Variants in NPR3 observed in about 807,000 individuals in gnomAD.
The protein encoded by NPR3 is natriuretic peptide receptor 3.
NPR3 carries 34 observed loss-of-function variants against 54.5 expected under a neutral mutation model. The observed-to-expected ratio is 0.62, with a 90% confidence interval of 0.47 to 0.83. The LOEUF is 0.83. Among genes scored for constraint, NPR3 ranks in the 40% least tolerant of loss-of-function variants. The pLI is 0.00. For missense variants in NPR3, 674 were observed against 720.8 expected (o/e 0.94, Z 0.74); for synonymous variants, 289 against 297.1 (o/e 0.97, Z 0.28).
At chr5:32,767,808 C>G (rs1561123206) in intron 3 of NPR3, among the ~76,000 whole-genome samples, 1 of 152,030 alleles carries the variant, frequency 6.6e-6, no homozygotes, top group Non-Finnish European at 1.5e-5. Context: ...TTTGTAAACA[C>G]ATCTCTAGGT....
At chr5:32,718,250 G>A (rs1158265334) in intron 1 of NPR3, among the ~76,000 whole-genome samples, 2 of 152,186 alleles carry the variant, frequency 1.3e-5, no homozygotes, top group African/African-American at 4.8e-5. Flanking sequence ...TAGCCTTGTA[G>A]TATAGTTTGA....
chr5:32,755,051 G>A (rs1049479858), intron 3 of NPR3, among the ~76,000 whole-genome samples: 1 of 152,132 alleles, frequency 6.6e-6, no homozygotes, highest in African/African-American at 2.4e-5. Context: ...TAGTAGAGAT[G>A]GGGTTTCACC....
chr5:32,764,788 CAAAAAAAAA>C (rs568944478), intron 3 of NPR3, among the ~76,000 whole-genome samples: 1,010 of 36,464 alleles, frequency 0.028, 21 homozygotes, highest in African/African-American at 0.094. Flanking sequence ...GGGTCCATCT[CAAAAAAAAA>C]AAAAAAAAAA....
rs138058641 is a variant in NPR3 at position 32,783,761 on chromosome 5, T to C, written c.1426+733T>C. ...GGGGAGACTGGGCCTGTATTTGACA[T>C]CCCACTGTTGTTACTTGCTGGTTTT... On this transcript the variant is annotated intron_variant, in intron 6 of 7. Coordinates refer to ENST00000265074, the MANE Select transcript of NPR3 (RefSeq NM_001204375.2). Among the ~76,000 whole-genome samples the C allele has an allele frequency of 2.9e-3, 449 of 152,336 alleles. 2 individuals are homozygous for C. Among genetic ancestry groups the C allele is most frequent in the Middle Eastern group, 0.024 (7 of 294 alleles).
Position 32,711,928 on chromosome 5 carries a change from A to G in NPR3, c.152A>G (p.Gln51Arg), listed in dbSNP as rs1738265120. Reference sequence around the variant, plus strand: ...CAGGAGAGAGAGGCGCTGCCGCCACAGAAGATCGAGGTGCTGGTGTTACTG... The same window carrying G: ...CAGGAGAGAGAGGCGCTGCCGCCACGGAAGATCGAGGTGCTGGTGTTACTG... ...GRQEREALPP[Q>R]KIEVLVLLPQ... Residue 51 changes from glutamine (Q) to arginine (R), a missense_variant, in exon 1 of 8, where the codon CAG becomes CGG. Coordinates refer to ENST00000265074, the MANE Select transcript of NPR3 (RefSeq NM_001204375.2). 1 of 1,511,628 alleles carries G rather than the reference A, an allele frequency of 6.6e-7. No homozygotes were observed. The highest frequency in any genetic ancestry group is 1.4e-5 in the African/African-American group (1 of 71,454). The allele number at this position is 1,511,628 out of a possible 1,614,324, so 93.6% of individuals were successfully genotyped here.
chr5:32,719,156 T>C (rs1738716892), intron 1 of NPR3, among the ~76,000 whole-genome samples: 1 of 152,216 alleles, frequency 6.6e-6, no homozygotes, highest in South Asian at 2.1e-4. Flanking sequence ...CAATTACATT[T>C]ATTGATTTGC....
At chr5:32,710,492 T>G, upstream of NPR3, 2 of 654,464 alleles carry the variant, frequency 3.1e-6, no homozygotes, top group Non-Finnish European at 4.5e-6. Flanking sequence ...CAAGTTTCAC[T>G]TTCCTGCTCT....
chr5:32,728,250 G>T (rs973234498), intron 2 of NPR3, among the ~76,000 whole-genome samples: 1 of 152,028 alleles, frequency 6.6e-6, no homozygotes, highest in African/African-American at 2.4e-5. Context: ...ATTACCTGAG[G>T]TCAGGAGTTC....
At chr5:32,736,249 G>GA (rs796434040) in intron 2 of NPR3, among the ~76,000 whole-genome samples, 6,975 of 125,186 alleles carry the variant, frequency 0.056, 265 homozygotes, top group African/African-American at 0.12. Flanking sequence ...AAAAAAAAAA[G>GA]AAAAAAAAAA....
chr5:32,748,483 A>G (rs1368603119), intron 3 of NPR3, among the ~76,000 whole-genome samples: 1 of 152,206 alleles, frequency 6.6e-6, no homozygotes, highest in Admixed American at 6.5e-5. Context: ...TAGTTTTCCT[A>G]AGACTCCAAA....
At chr5:32,713,036 T>G (rs1483447391) in intron 1 of NPR3, 15 of 394,862 alleles carry the variant, frequency 3.8e-5, no homozygotes, top group Non-Finnish European at 5.2e-5. Flanking sequence ...GCTCTTGGGG[T>G]TTCTCTGACT....
intron 3 of NPR3, among the ~76,000 whole-genome samples, chr5:32,767,113 C>T (rs1042979226): frequency 2.6e-5 from 4 of 152,234 alleles, no homozygotes; most frequent in African/African-American, 9.6e-5. Context: ...ATTTGTCTCT[C>T]ACAGCATACA....
At chr5:32,715,090 C>T (rs1368197827) in intron 1 of NPR3, among the ~76,000 whole-genome samples, 1 of 152,152 alleles carries the variant, frequency 6.6e-6, no homozygotes. Context: ...ACCTTTACCC[C>T]AAGGGTGAGG....
At chr5:32,700,241 A>C (rs1233401197) in intron 1 of NPR3, among the ~76,000 whole-genome samples, 1 of 151,946 alleles carries the variant, frequency 6.6e-6, no homozygotes, top group Non-Finnish European at 1.5e-5. Context: ...ATCTTTTTCT[A>C]GGTTTGGAAA....
chr5:32,761,097 G>A (rs1741138283), intron 3 of NPR3, among the ~76,000 whole-genome samples: 1 of 152,058 alleles, frequency 6.6e-6, no homozygotes, highest in African/African-American at 2.4e-5. Flanking sequence ...ATCTGGCAAT[G>A]TGAGCCCCCT....
At chr5:32,716,367 ACTT>A in intron 1 of NPR3, 1 of 412,016 alleles carries the variant, frequency 2.4e-6, no homozygotes, top group South Asian at 1.6e-5. Context: ...ATAACATGCT[ACTT>A]TTTTTTTTTT....
At position 32,786,572 on chromosome 5, in the gene NPR3, C is replaced by G. The variant is rs2112081738; in HGVS notation, c.*227C>G. The G allele has an allele frequency of 2.0e-6, 1 of 510,554 alleles. No individual in the cohort carries two copies. Among genetic ancestry groups the G allele is most frequent in the East Asian group, 3.8e-5 (1 of 26,540 alleles). 31.6% of individuals were successfully genotyped at this position (510,554 alleles called of 1,614,324 possible). ...CAAATATAATAATGATATCGTGTCA[C>G]TCTGTTAAATGTTCATACTGTTTCA... On this transcript the variant is annotated 3_prime_UTR_variant, in exon 8 of 8. Transcript: ENST00000265074.
chr5:32,748,913 TTTTTC>T (rs1216306853), intron 3 of NPR3, among the ~76,000 whole-genome samples: 1 of 151,554 alleles, frequency 6.6e-6, no homozygotes, highest in Non-Finnish European at 1.5e-5. Flanking sequence ...CAACTCTTCT[TTTTTC>T]TTTTACTTTC....
At chr5:32,777,056 T>A (rs1271923512) in intron 4 of NPR3, among the ~76,000 whole-genome samples, 1 of 152,158 alleles carries the variant, frequency 6.6e-6, no homozygotes, top group Non-Finnish European at 1.5e-5. Context: ...AGATGGCTAA[T>A]GTGGCTGACA....
Sources: allele counts gnomAD v4.1 joint callset (sites outside exome capture counted in the v4.1 genomes callset), GRCh38; gene constraint gnomAD v4.1.1; transcripts MANE v1.5; gene names NCBI Gene and HGNC (gene_info 2026-07-23, HGNC 2026-07-21).